HBP1: variants seen among roughly 807,000 people sequenced by gnomAD.
The protein encoded by HBP1 is HMG-box transcription factor 1, also known as HMG box-containing protein 1.
HBP1 carries 20 observed loss-of-function variants against 62.6 expected under a neutral mutation model. The ratio of observed to expected loss-of-function variants is 0.32; its 90% confidence interval spans 0.22 to 0.46. The LOEUF (loss-of-function observed/expected upper bound fraction) is 0.46, where lower values mean the gene tolerates loss of function less well. HBP1 is among the 20% of genes least tolerant of loss of function. HBP1 has a pLI of 1.00. For missense variants in HBP1, 480 were observed against 611.8 expected (o/e 0.78, Z 2.27); for synonymous variants, 232 against 206.2 (o/e 1.12, Z -1.07).
chr7:107,185,372 A>G (rs1797303948), intron 3 of HBP1, among the ~76,000 whole-genome samples: 2 of 152,184 alleles, frequency 1.3e-5, no homozygotes, highest in African/African-American at 4.8e-5. Flanking sequence ...TGGTAGATAA[A>G]GAGTTCAGAG....
rs1345944164 is a variant in HBP1, at chr7:107,169,085, CG to C, written c.-111del. The C allele has an allele frequency of 7.8e-6, 10 of 1,284,584 alleles. No homozygotes were observed. Among genetic ancestry groups the C allele is most frequent in the Non-Finnish European group, 9.1e-6 (9 of 986,166 alleles). The allele number at this position is 1,284,584 out of a possible 1,614,324, so 79.6% of individuals were successfully genotyped here. ...GCTGCCGCGGGAGCAGTAACCCGCGCGGGGGAGGCCGACGTCGGTCGGAGAG... is the reference window on the plus strand; with the variant it reads ...GCTGCCGCGGGAGCAGTAACCCGCGCGGGGAGGCCGACGTCGGTCGGAGAG... On this transcript the variant is annotated 5_prime_UTR_variant, in exon 1 of 11. Transcript: ENST00000222574.
intron 8 of HBP1, among the ~76,000 whole-genome samples, chr7:107,193,518 C>G (rs1348855529): frequency 2.0e-5 from 3 of 152,110 alleles, no homozygotes; most frequent in Admixed American, 2.0e-4. Flanking sequence ...TTTTTGGCAC[C>G]ACTGCATAGC....
chr7:107,174,527 T>C (rs1796744874), intron 1 of HBP1: 2 of 985,064 alleles, frequency 2.0e-6, no homozygotes, highest in Non-Finnish European at 1.2e-6. Context: ...TAGTGTACTA[T>C]ACTTGGTGAA....
chr7:107,202,307 G>GT lies in HBP1; in HGVS notation c.*877dup. 1.3e-5 allele frequency: 2 copies of GT among 152,534 alleles called. No homozygotes were observed. Among genetic ancestry groups the GT allele is most frequent in the Non-Finnish European group, 2.9e-5 (2 of 68,028 alleles). 9.4% of individuals were successfully genotyped at this position (152,534 alleles called of 1,614,324 possible). A position where few individuals can be genotyped will look rare whatever the true frequency, so the allele number is the denominator to read the frequency against. On this transcript the variant is annotated 3_prime_UTR_variant, in exon 11 of 11. Transcript: ENST00000222574. The stretch of plus-strand genomic sequence containing the variant: ...CTTGCACTTTAATTTTCCTCCAACT[G>GT]TCTAAAATTAGAGCAAATACATTGG...
chr7:107,194,670 A>G (rs1797804524), intron 8 of HBP1, among the ~76,000 whole-genome samples: 1 of 152,190 alleles, frequency 6.6e-6, no homozygotes, highest in South Asian at 2.1e-4. Flanking sequence ...GGTAGATGGT[A>G]TTCCTGTAGC....
chr7:107,175,420 C>T (rs1257230424), intron 1 of HBP1, among the ~76,000 whole-genome samples: 2 of 152,130 alleles, frequency 1.3e-5, no homozygotes, highest in Admixed American at 1.3e-4. Flanking sequence ...GGGTACATAG[C>T]TAGTAAGTGG....
chr7:107,186,161 T>TTC (rs1227877125), intron 4 of HBP1, among the ~76,000 whole-genome samples, 200 bp from the exon 5 acceptor site: 3 of 147,406 alleles, frequency 2.0e-5, no homozygotes, highest in East Asian at 1.9e-4. Context: ...TTTTTCTTTT[T>TTC]TTTTCTTTTT....
At chr7:107,169,679 G>A in intron 1 of HBP1, 3 of 917,190 alleles carry the variant, frequency 3.3e-6, no homozygotes, top group Non-Finnish European at 3.9e-6. Context: ...CTGAGCTGAG[G>A]AGCTCGCGGA....
At chr7:107,196,639 C>CT (rs1348313836) in intron 9 of HBP1, 2 of 217,090 alleles carry the variant, frequency 9.2e-6, no homozygotes, top group Non-Finnish European at 1.9e-5. Flanking sequence ...AATACATAGA[C>CT]AATTAGGTTA....
At chr7:107,178,191 A>C (rs914182539) in intron 1 of HBP1, among the ~76,000 whole-genome samples, 2 of 151,990 alleles carry the variant, frequency 1.3e-5, no homozygotes, top group Non-Finnish European at 2.9e-5. Flanking sequence ...CTTTTTCTTT[A>C]AGAGGGGGGG....
At position 107,202,036 on chromosome 7, in the gene HBP1, T is replaced by C. The variant is rs914259199; in HGVS notation, c.*605T>C. ...ACCTGCTGCAGTTACCATGGCATGC[T>C]GAGTTGATGCACCAGGTGGCAGCAG... On this transcript the variant is annotated 3_prime_UTR_variant, in exon 11 of 11. Coordinates refer to ENST00000222574, the MANE Select transcript of HBP1 (RefSeq NM_012257.4). 3 of 152,680 alleles carry C rather than the reference T, an allele frequency of 2.0e-5. No homozygotes were observed. The highest frequency in any genetic ancestry group is 7.2e-5 in the African/African-American group (3 of 41,446). The allele number at this position is 152,680 out of a possible 1,614,324, so 9.5% of individuals were successfully genotyped here. A position where few individuals can be genotyped will look rare whatever the true frequency, so the allele number is the denominator to read the frequency against.
At position 107,201,536 on chromosome 7, in the gene HBP1, C is replaced by G; in HGVS notation, c.*105C>G. ...CACCATTTGTCCTCAATTCGTGTGA[C>G]CATAAGATACTGATAGCATTGAGTC... On this transcript the variant is annotated 3_prime_UTR_variant, in exon 11 of 11. Transcript: ENST00000222574. 10 of 626,866 alleles carry G rather than the reference C, an allele frequency of 1.6e-5. No individual in the cohort carries two copies. The Middle Eastern group carries it at 2.6e-3, about 163-fold the overall frequency. The allele number at this position is 626,866 out of a possible 1,614,324, so 38.8% of individuals were successfully genotyped here.
At chr7:107,184,604 G>A (rs993192239) in intron 3 of HBP1, among the ~76,000 whole-genome samples, 4 of 152,046 alleles carry the variant, frequency 2.6e-5, no homozygotes, top group African/African-American at 9.7e-5. Context: ...TCCGCCTTCC[G>A]GGTTCACGCC....
intron 1 of HBP1, chr7:107,173,525 A>C (rs1796703115): frequency 6.6e-6 from 1 of 152,208 alleles, no homozygotes; most frequent in Admixed American, 6.5e-5. Context: ...CCATAATAAT[A>C]CTTTATTCAC....
chr7:107,200,860 A>G (rs998327130), intron 10 of HBP1: 2 of 152,664 alleles, frequency 1.3e-5, no homozygotes, highest in African/African-American at 4.8e-5. Flanking sequence ...CTTGTTTCTT[A>G]TAACTTTTCC....
chr7:107,184,103 T>A (rs1268907509), intron 3 of HBP1, among the ~76,000 whole-genome samples: 1 of 152,242 alleles, frequency 6.6e-6, no homozygotes, highest in African/African-American at 2.4e-5. Flanking sequence ...TTATTTTTAC[T>A]TTTTGTTACT....
intron 1 of HBP1, among the ~76,000 whole-genome samples, chr7:107,171,073 A>ATATATATATATATATTT: frequency 2.3e-5 from 2 of 87,194 alleles, no homozygotes; most frequent in African/African-American, 1.3e-4. Flanking sequence ...ATATATATAT[A>ATATATATATATATATTT]TTTTTTTTTT....
At chr7:107,194,456 C>T (rs1797791174) in intron 8 of HBP1, among the ~76,000 whole-genome samples, 1 of 152,174 alleles carries the variant, frequency 6.6e-6, no homozygotes, top group African/African-American at 2.4e-5. Context: ...TGACGTAATA[C>T]TGATTGCTAA....
At chr7:107,171,008 C>T (rs1036085317) in intron 1 of HBP1, among the ~76,000 whole-genome samples, 5 of 126,518 alleles carry the variant, frequency 4.0e-5, no homozygotes, top group African/African-American at 1.3e-4. Context: ...ATAACATATA[C>T]ATGTATATAT....
Sources: allele counts gnomAD v4.1 joint callset (sites outside exome capture counted in the v4.1 genomes callset), GRCh38; gene constraint gnomAD v4.1.1; transcripts MANE v1.5; gene names NCBI Gene and HGNC (gene_info 2026-07-23, HGNC 2026-07-21).